Variants in CELF4 observed in about 807,000 individuals in gnomAD.
The protein encoded by CELF4 is CUG-BP- and ETR-3-like factor 4.
CELF4 carries 18 observed loss-of-function variants against 59.9 expected under a neutral mutation model. The ratio of observed to expected loss-of-function variants is 0.30; its 90% CI spans 0.21 to 0.45. The LOEUF (loss-of-function observed/expected upper bound fraction) is 0.45, where lower values mean the gene tolerates loss of function less well. Among genes scored for constraint, CELF4 ranks in the 20% least tolerant of loss-of-function variants. The pLI is 1.00. For missense variants in CELF4, 456 were observed against 689.0 expected (o/e 0.66, Z 3.79); for synonymous variants, 261 against 267.1 (o/e 0.98, Z 0.22).
chr18:37,275,128 G>C lies in CELF4; in HGVS notation c.564C>G (p.Asp188Glu). ...CGCCCCGCGCACCCTTGCTGTTGCC[G>C]TCGGGCCCGCGCAGGATGGTGCACT... The part of the protein sequence containing the change: ...IEECTILRGP[D>E]GNSKGCAFVK... The change falls in exon 4 of 13, where the codon GAC becomes GAG. Residue 188 changes from aspartate (D) to glutamate (E), a missense_variant. By Grantham distance (45) the Asp-to-Glu change is conservative. This residue lies in a region of CELF4 where 56 missense variants were observed against 92.0 expected (regional missense o/e 0.61). Transcript: ENST00000420428. 6.2e-7 allele frequency: 1 copy of C among 1,613,260 alleles called. No individual in the cohort carries two copies. The highest frequency in any genetic ancestry group is 1.3e-5 in the African/African-American group (1 of 75,022).
intron 1 of CELF4, among the ~76,000 whole-genome samples, chr18:37,549,430 A>G (rs1212940544): frequency 6.6e-6 from 1 of 152,178 alleles, no homozygotes; most frequent in Non-Finnish European, 1.5e-5. Context: ...GCTGCCCCGC[A>G]GGCCAGGCCT....
intron 1 of CELF4, among the ~76,000 whole-genome samples, chr18:37,508,850 G>A (rs1422386664): frequency 6.6e-6 from 1 of 152,246 alleles, no homozygotes; most frequent in Non-Finnish European, 1.5e-5. Context: ...TGCACGTGCT[G>A]ACACAAACCC....
At position 37,253,483 on chromosome 18, in the gene CELF4, T is replaced by C. The variant is rs1450787691; in HGVS notation, c.*44+284A>G. ...GTTCTCTGGCCAACAGGACTGCCAA[T>C]GTAGACCCGGAGGCGCAGGCCCAGG... is the stretch of plus-strand genomic sequence containing the variant. On this transcript the variant is annotated intron_variant, in intron 12 of 12. Coordinates refer to ENST00000420428, the MANE Select transcript of CELF4 (RefSeq NM_020180.4). The surrounding 1 kb of genome is among the most constrained non-coding windows in gnomAD (Gnocchi z 4.5). Among the ~76,000 whole-genome samples, 1 of 152,156 alleles carries C rather than the reference T, an allele frequency of 6.6e-6. No homozygotes were observed. Among genetic ancestry groups the C allele is most frequent in the African/African-American group, 2.4e-5 (1 of 41,458 alleles).
chr18:37,321,769 G>A, intron 3 of CELF4, 34 bp downstream of exon 3: 2 of 1,473,272 alleles, frequency 1.4e-6, no homozygotes, highest in Non-Finnish European at 9.4e-7. Flanking sequence ...AGTGAGAGGG[G>A]GAGGGGGAGG....
At chr18:37,405,027 C>A (rs962678461) in intron 2 of CELF4, among the ~76,000 whole-genome samples, 1 of 152,232 alleles carries the variant, frequency 6.6e-6, no homozygotes, top group East Asian at 1.9e-4. Flanking sequence ...CTGCACCCAG[C>A]CGTTCACCCA....
At chr18:37,384,520 C>T (rs529571446) in intron 2 of CELF4, among the ~76,000 whole-genome samples, 7 of 151,890 alleles carry the variant, frequency 4.6e-5, no homozygotes, top group Non-Finnish European at 7.4e-5. Flanking sequence ...TGGAAAGCAC[C>T]GAGACTCAGC....
At chr18:37,259,806 T>G (rs995913971) in intron 10 of CELF4, among the ~76,000 whole-genome samples, 1 of 152,210 alleles carries the variant, frequency 6.6e-6, no homozygotes, top group African/African-American at 2.4e-5. Context: ...CATCTGCCCC[T>G]GATGGCCCAA....
chr18:37,424,376 G>A (rs533288912), intron 2 of CELF4, among the ~76,000 whole-genome samples: 7 of 152,270 alleles, frequency 4.6e-5, no homozygotes, highest in Admixed American at 4.6e-4. Flanking sequence ...TTGCCAAGGA[G>A]AAAGGGGTGC....
intron 2 of CELF4, among the ~76,000 whole-genome samples, chr18:37,370,184 C>G (rs879289089): frequency 5.3e-5 from 8 of 152,210 alleles, no homozygotes; most frequent in Admixed American, 2.0e-4. Flanking sequence ...GAAAGGTTCT[C>G]TGGCCTTAGT....
chr18:37,395,560 T>C (rs2099233880), intron 2 of CELF4, among the ~76,000 whole-genome samples: 1 of 152,214 alleles, frequency 6.6e-6, no homozygotes, highest in Admixed American at 6.5e-5. Flanking sequence ...TGGGATCCTC[T>C]TGTAAAACAC....
chr18:37,475,864 G>A (rs1048233668), intron 2 of CELF4, among the ~76,000 whole-genome samples: 12 of 152,146 alleles, frequency 7.9e-5, no homozygotes, highest in Non-Finnish European at 1.8e-4. Flanking sequence ...CATTTCTCGA[G>A]TTCCTCTCCC....
intron 1 of CELF4, among the ~76,000 whole-genome samples, chr18:37,560,121 C>G (rs1219109064): frequency 1.3e-5 from 2 of 152,202 alleles, no homozygotes; most frequent in Non-Finnish European, 2.9e-5. Context: ...CCCATTAAAA[C>G]TGTGTGTGCT....
chr18:37,514,296 C>T (rs115711574), intron 1 of CELF4, among the ~76,000 whole-genome samples: 22 of 152,124 alleles, frequency 1.4e-4, no homozygotes, highest in African/African-American at 3.4e-4. Flanking sequence ...TCTCCTAGGA[C>T]GAGGGCATTA....
At chr18:37,404,131 G>A (rs2099358678) in intron 2 of CELF4, among the ~76,000 whole-genome samples, 1 of 152,198 alleles carries the variant, frequency 6.6e-6, no homozygotes, top group South Asian at 2.1e-4. Flanking sequence ...ACAGCCCCAT[G>A]GGCAGGCCTG....
intron 11 of CELF4, chr18:37,258,902 G>A: frequency 1.8e-6 from 1 of 540,692 alleles, no homozygotes; most frequent in Non-Finnish European, 3.3e-6. Context: ...TCTTGGACCG[G>A]GAGTGGGAGA....
chr18:37,554,427 GC>G (rs1356527627), intron 1 of CELF4, among the ~76,000 whole-genome samples: 1 of 152,158 alleles, frequency 6.6e-6, no homozygotes, highest in African/African-American at 2.4e-5. Flanking sequence ...TGGGGCCTGA[GC>G]TGTTTCTTAT....
chr18:37,332,071 G>C (rs984922988), intron 2 of CELF4, among the ~76,000 whole-genome samples: 5 of 152,182 alleles, frequency 3.3e-5, no homozygotes, highest in African/African-American at 9.6e-5. Flanking sequence ...AAGACACCAA[G>C]CAAACGTTTG....
chr18:37,252,186 G>T (rs569092662), intron 12 of CELF4, among the ~76,000 whole-genome samples: 1 of 152,148 alleles, frequency 6.6e-6, no homozygotes. Flanking sequence ...ACTCAAATGT[G>T]TATTTTTCAC....
intron 2 of CELF4, among the ~76,000 whole-genome samples, chr18:37,367,495 G>A (rs1569567845): frequency 6.6e-6 from 1 of 151,982 alleles, no homozygotes; most frequent in Non-Finnish European, 1.5e-5. Flanking sequence ...CTCTGGGAAG[G>A]CCTTTCTTGT....
Sources: gnomAD v4.1 joint callset for allele counts (sites outside exome capture counted in the v4.1 genomes callset) on GRCh38, gnomAD v4.1.1 for gene constraint, gnomAD v4.1.1 regional missense constraint, Gnocchi (gnomAD v3.1) non-coding constraint, MANE v1.5 for transcripts, NCBI Gene and HGNC (gene_info 2026-07-23, HGNC 2026-07-21) for gene names.